The following ELOVL4 variants were observed in gnomAD, a reference collection of about 807,000 sequenced individuals.
ELOVL4 encodes the protein very long chain fatty acid elongase 4.
A neutral mutation model predicts 42.1 loss-of-function variants in ELOVL4; 18 were observed. That is an observed-to-expected ratio of 0.43 (90% confidence interval 0.30 to 0.63). The LOEUF (loss-of-function observed/expected upper bound fraction) is 0.63, where lower values mean the gene tolerates loss of function less well. Ranked by LOEUF, ELOVL4 falls within the 30% of genes least tolerant of loss-of-function variation. ELOVL4 has a pLI of 0.15. For missense variants in ELOVL4, 299 were observed against 376.2 expected, an observed-to-expected ratio of 0.79 and a Z score of 1.70; for synonymous variants, 117 against 127.0, an observed-to-expected ratio of 0.92 and a Z score of 0.53.
chr6:79,919,399 C>T lies in ELOVL4; in HGVS notation c.669+21G>A, dbSNP rs200665739. On this transcript the variant is annotated intron_variant, in intron 5 of 5. Coordinates refer to ENST00000369816, the MANE Select transcript of ELOVL4 (RefSeq NM_022726.4). ...AATTTCAGTATTTTACCAGAAGAAA[C>T]TTTGGAAGCATTTAACTCACCAGTT... 1.5e-5 allele frequency: 24 copies of T among 1,613,174 alleles called. 1 individual carries two copies. The East Asian group carries it at 5.4e-4, about 36-fold the overall frequency.
chr6:79,916,510 C>T lies in ELOVL4; in HGVS notation c.*98G>A. ...ACATAGAGCACATTTGTCTTTTCTC[C>T]CCACCCCCAAGCTCTCCTTTGCTTC... On this transcript the variant is annotated 3_prime_UTR_variant, in exon 6 of 6. Coordinates refer to ENST00000369816, the MANE Select transcript of ELOVL4 (RefSeq NM_022726.4). The T allele has an allele frequency of 6.8e-7, 1 of 1,462,374 alleles. No individual in the cohort carries two copies. The allele number at this position is 1,462,374 out of a possible 1,614,324, so 90.6% of individuals were successfully genotyped here.
chr6:79,927,547 T>G (rs574232587), intron 1 of ELOVL4, among the ~76,000 whole-genome samples: 5 of 152,298 alleles, frequency 3.3e-5, no homozygotes, highest in African/African-American at 1.2e-4. Flanking sequence ...CTTAAAAAAT[T>G]AATCTGTGTC....
At chr6:79,922,248 T>A (rs1276425142) in intron 3 of ELOVL4, among the ~76,000 whole-genome samples, 3 of 152,156 alleles carry the variant, frequency 2.0e-5, no homozygotes, top group Non-Finnish European at 4.4e-5. Flanking sequence ...TCTGCCTGTC[T>A]GCCCACCCTC....
At chr6:79,926,409 T>C (rs751816983) in intron 1 of ELOVL4, 28 bp from the exon 2 acceptor site, 4 of 1,596,070 alleles carry the variant, frequency 2.5e-6, no homozygotes, top group Non-Finnish European at 3.4e-6. Flanking sequence ...TACCATAAAA[T>C]TCATTAATCA....
chr6:79,946,824 G>A (rs373384383), intron 1 of ELOVL4, among the ~76,000 whole-genome samples: 14 of 152,302 alleles, frequency 9.2e-5, no homozygotes, highest in African/African-American at 3.4e-4. Flanking sequence ...CTGTGCACGG[G>A]GAAGAGGGAG....
Position 79,921,687 on chromosome 6 carries a change from T to C in ELOVL4, c.479A>G (p.Tyr160Cys). The C allele has an allele frequency of 1.9e-6, 3 of 1,614,040 alleles. No individual in the cohort carries two copies. Among genetic ancestry groups the C allele is most frequent in the Non-Finnish European group, 2.5e-6 (3 of 1,179,996 alleles). The change falls in exon 4 of 6, where the codon TAT becomes TGT. Residue 160 changes from tyrosine to cysteine, a missense_variant. Tyr to Cys is a radical substitution (Grantham distance 194, BLOSUM62 -2). Coordinates refer to ENST00000369816, the MANE Select transcript of ELOVL4 (RefSeq NM_022726.4). Reference protein sequence around the residue: ...KNNQVSFLHVYHHCTMFTLWW... With the variant: ...KNNQVSFLHVCHHCTMFTLWW... The stretch of plus-strand genomic sequence containing the variant: ...CAAGGTAAACATCGTACAGTGATGA[T>C]ACACATGAAGGAAAGAAACTTGGTT...
chr6:79,940,792 A>C (rs1278269536), intron 1 of ELOVL4, among the ~76,000 whole-genome samples: 2 of 152,192 alleles, frequency 1.3e-5, no homozygotes, highest in East Asian at 3.8e-4. Context: ...TAAATGTAAT[A>C]TATAATTGAG....
chr6:79,916,438 C>A lies in ELOVL4; in HGVS notation c.*170G>T. 9.9e-6 allele frequency: 7 copies of A among 708,848 alleles called. No homozygotes were observed. Among genetic ancestry groups the A allele is most frequent in the Admixed American group, 2.8e-5 (1 of 35,442 alleles). 43.9% of individuals were successfully genotyped at this position (708,848 alleles called of 1,614,324 possible). A position where few individuals can be genotyped will look rare whatever the true frequency, so the allele number is the denominator to read the frequency against. On this transcript the variant is annotated 3_prime_UTR_variant, in exon 6 of 6. Coordinates refer to ENST00000369816, the MANE Select transcript of ELOVL4 (RefSeq NM_022726.4). ...TAAAATAAAAACTTCATAAATAAAA[C>A]ATCTGGGTATGGTATTAACACTTTA...
intron 1 of ELOVL4, among the ~76,000 whole-genome samples, chr6:79,930,573 T>C (rs965107773): frequency 6.6e-6 from 1 of 152,142 alleles, no homozygotes; most frequent in Non-Finnish European, 1.5e-5. Context: ...TATGTTTCCT[T>C]TTCCACTAAA....
intron 1 of ELOVL4, among the ~76,000 whole-genome samples, chr6:79,934,017 G>T (rs1774501065): frequency 6.6e-6 from 1 of 152,236 alleles, no homozygotes; most frequent in Admixed American, 6.5e-5. Flanking sequence ...AAGAGGAGCA[G>T]ATCTGGGAGA....
At chr6:79,935,072 C>A (rs1272026969) in intron 1 of ELOVL4, among the ~76,000 whole-genome samples, 1 of 152,050 alleles carries the variant, frequency 6.6e-6, no homozygotes, top group African/African-American at 2.4e-5. Flanking sequence ...TTTTTAAAAA[C>A]TCCTTTTCAT....
In ELOVL4 at chr6:79,916,720, G is replaced by C. The variant is rs922798187; in HGVS notation, c.833C>G (p.Ala278Gly). 3 of 1,613,916 alleles carry C rather than the reference G, an allele frequency of 1.9e-6. No homozygotes were observed. Among genetic ancestry groups the C allele is most frequent in the Admixed American group, 3.3e-5 (2 of 59,990 alleles). The change falls in exon 6 of 6, where the codon GCT becomes GGT. Residue 278 changes from alanine (A) to glycine (G), a missense_variant. Ala to Gly is a moderately conservative substitution (Grantham distance 60). Coordinates refer to ENST00000369816, the MANE Select transcript of ELOVL4 (RefSeq NM_022726.4). ...RTYKEPKKPK[A>G]GKTAMNGISA... ...AATACCATTCATGGCTGTTTTTCCA[G>C]CTTTTGGTTTCTTAGGCTCTTTGTA...
chr6:79,919,585 AT>A, intron 4 of ELOVL4, 38 bp from the exon 5 acceptor site: 1 of 1,605,234 alleles, frequency 6.2e-7, no homozygotes, highest in Non-Finnish European at 8.5e-7. Flanking sequence ...GATACAGAAA[AT>A]TTTATTAGGC....
chr6:79,946,336 G>T (rs1774739909), intron 1 of ELOVL4, among the ~76,000 whole-genome samples: 1 of 152,222 alleles, frequency 6.6e-6, no homozygotes, highest in South Asian at 2.1e-4. Flanking sequence ...TTGGACGCTA[G>T]GAAAGCTGCA....
chr6:79,935,558 T>C (rs1428391339), intron 1 of ELOVL4, among the ~76,000 whole-genome samples: 2 of 152,170 alleles, frequency 1.3e-5, no homozygotes, highest in African/African-American at 2.4e-5. Flanking sequence ...ATTTATTTTC[T>C]AGCCCCATGA....
intron 3 of ELOVL4, 97 bp from the exon 4 acceptor site, chr6:79,921,893 G>A (rs947475426): frequency 1.6e-5 from 19 of 1,175,528 alleles, no homozygotes; most frequent in Non-Finnish European, 2.4e-5. Context: ...TTTGTATATT[G>A]CACAAAATGT....
intron 1 of ELOVL4, among the ~76,000 whole-genome samples, chr6:79,933,406 T>G (rs1774486300): frequency 6.6e-6 from 1 of 152,032 alleles, no homozygotes; most frequent in South Asian, 2.1e-4. Context: ...AATTTTTGTG[T>G]TTTTTGTAGA....
At chr6:79,919,668 A>C (rs1454724625) in intron 4 of ELOVL4, 121 bp from the exon 5 acceptor site, 1 of 896,398 alleles carries the variant, frequency 1.1e-6, no homozygotes, top group African/African-American at 1.7e-5. Context: ...TACAGATTAG[A>C]AATGAAAAAT....
Position 79,921,813 on chromosome 6 carries a change from C to A in ELOVL4, c.370-17G>T. 1 of 1,612,984 alleles carries A rather than the reference C, an allele frequency of 6.2e-7. No homozygotes were observed. Among genetic ancestry groups the A allele is most frequent in the South Asian group, 1.1e-5 (1 of 91,006 alleles). ...AGCAGCTATCTGTAAAAAGGGAAAG[C>A]GTGTTATAAACACCAAAATGACACT... On this transcript the variant is annotated splice_polypyrimidine_tract_variant and intron_variant, in intron 3 of 5. Transcript: ENST00000369816.
Sources: allele counts gnomAD v4.1 joint callset (sites outside exome capture counted in the v4.1 genomes callset), GRCh38; gene constraint gnomAD v4.1.1; transcripts MANE v1.5; gene names NCBI Gene and HGNC (gene_info 2026-07-23, HGNC 2026-07-21).